COL11A1: variants seen among roughly 807,000 people sequenced by gnomAD.
The protein encoded by COL11A1 is collagen type XI alpha 1 chain, also known as collagen alpha-1(XI) chain.
In COL11A1, 74 loss-of-function variants were observed where a neutral mutation model predicts 265.2. The observed-to-expected ratio is 0.28, with a 90% confidence interval of 0.23 to 0.34. COL11A1 has a LOEUF of 0.34. Ranked by LOEUF, COL11A1 falls within the 10% of genes least tolerant of loss-of-function variation. The probability of loss-of-function intolerance (pLI) is 1.00; values close to 1 mark genes in which losing one functional copy is unlikely to be tolerated. For missense variants in COL11A1, 2,165 were observed against 2,263.6 expected (o/e 0.96, Z 0.88); for synonymous variants, 816 against 727.6 (o/e 1.12, Z -1.96).
At chr1:102,942,911 C>T (rs1658879830) in intron 42 of COL11A1, among the ~76,000 whole-genome samples, 1 of 152,066 alleles carries the variant, frequency 6.6e-6, no homozygotes, top group Admixed American at 6.6e-5. Context: ...TGATTATCTT[C>T]TTTTCAGAGA....
chr1:102,955,713 G>T (rs1026223534), intron 41 of COL11A1, among the ~76,000 whole-genome samples: 1 of 151,970 alleles, frequency 6.6e-6, no homozygotes, highest in Non-Finnish European at 1.5e-5. Context: ...AAAAATATAT[G>T]CAGTAGGTGA....
At position 102,934,576 on chromosome 1, in the gene COL11A1, A is replaced by G. The variant is rs1439107500; in HGVS notation, c.3493-20T>C. ...ACCTCCCTAGAGAAGAGAAAGAAAC[A>G]TTATCACAAACTGGAAAAAATCATT... On this transcript the variant is annotated intron_variant, in intron 45 of 66. Coordinates refer to ENST00000370096, the MANE Select transcript of COL11A1 (RefSeq NM_001854.4). The G allele has an allele frequency of 6.4e-7, 1 of 1,574,128 alleles. No individual in the cohort carries two copies.
intron 11 of COL11A1, 47 bp from the exon 12 acceptor site, chr1:103,015,789 T>A: frequency 7.8e-7 from 1 of 1,285,130 alleles, no homozygotes; most frequent in South Asian, 1.3e-5. Context: ...ATCAAAATAA[T>A]ATTTACTAGA....
intron 1 of COL11A1, chr1:103,100,209 T>G (rs1050161690): frequency 9.9e-5 from 15 of 151,924 alleles, no homozygotes; most frequent in African/African-American, 3.1e-4. Context: ...TTTTTTATGC[T>G]GAAGACAGTT....
At chr1:103,077,156 T>C (rs867535509) in intron 3 of COL11A1, among the ~76,000 whole-genome samples, 3 of 152,254 alleles carry the variant, frequency 2.0e-5, no homozygotes, top group African/African-American at 4.8e-5. Context: ...ACTACTGTGA[T>C]ATATGTAAAT....
At chr1:103,046,524 G>T (rs1669286368) in intron 4 of COL11A1, among the ~76,000 whole-genome samples, 1 of 151,500 alleles carries the variant, frequency 6.6e-6, no homozygotes, top group Admixed American at 6.6e-5. Context: ...CAGATGAATA[G>T]GTTGCAAAAA....
chr1:102,928,324 C>A (rs969109199), intron 46 of COL11A1, among the ~76,000 whole-genome samples: 2 of 144,666 alleles, frequency 1.4e-5, no homozygotes, highest in Non-Finnish European at 3.0e-5. Context: ...TTGTTCAATT[C>A]CCACCTATGA....
chr1:103,047,332 A>T (rs996667681), intron 4 of COL11A1, among the ~76,000 whole-genome samples: 1 of 152,124 alleles, frequency 6.6e-6, no homozygotes, highest in Non-Finnish European at 1.5e-5. Flanking sequence ...CATCCCTTGT[A>T]AGTTGGATTC....
chr1:103,022,046 G>T (rs1176183669), intron 8 of COL11A1, among the ~76,000 whole-genome samples: 1 of 148,596 alleles, frequency 6.7e-6, no homozygotes, highest in Non-Finnish European at 1.5e-5. Context: ...AGTAGAGATC[G>T]GTTTTCGCCG....
At chr1:103,058,635 T>A (rs1670418419) in intron 4 of COL11A1, among the ~76,000 whole-genome samples, 1 of 152,104 alleles carries the variant, frequency 6.6e-6, no homozygotes, top group Non-Finnish European at 1.5e-5. Context: ...ATTGTGGGGT[T>A]ACTAAATGAC....
At chr1:103,093,364 T>C (rs78347273) in intron 1 of COL11A1, among the ~76,000 whole-genome samples, 1,600 of 152,094 alleles carry the variant, frequency 0.011, 18 homozygotes, top group Non-Finnish European at 0.013. Flanking sequence ...CAGATACCAT[T>C]AGAAAAACCA....
chr1:103,034,423 T>C (rs566456722), intron 4 of COL11A1, among the ~76,000 whole-genome samples: 3 of 152,274 alleles, frequency 2.0e-5, no homozygotes. Context: ...AACTGATTTG[T>C]CTTCAAGTAC....
chr1:102,898,005 C>T, intron 57 of COL11A1, 120 bp downstream of exon 57: 1 of 482,944 alleles, frequency 2.1e-6, no homozygotes, highest in Non-Finnish European at 3.7e-6. Flanking sequence ...TAATATACTT[C>T]TTGGACTATT....
intron 26 of COL11A1, 46 bp downstream of exon 26, chr1:102,997,034 T>G: frequency 6.5e-7 from 1 of 1,536,910 alleles, no homozygotes; most frequent in South Asian, 1.1e-5. Flanking sequence ...CATTTTCTCT[T>G]GGAAATTTAT....
rs1197003938 is a variant in COL11A1, at chr1:102,965,493, T to C, written c.2910A>G (p.Gly970=). 6.2e-7 allele frequency: 1 copy of C among 1,613,566 alleles called. No individual in the cohort carries two copies. Among genetic ancestry groups the C allele is most frequent in the African/African-American group, 1.3e-5 (1 of 75,026 alleles). The change falls in exon 38 of 67, where the codon GGA becomes GGG. Residue 970 remains glycine, a synonymous_variant. Transcript: ENST00000370096. ...ATAAAGCAAAGGAACATACCTGTGG[T>C]CCAACCACTCCCCCTGGCCCAGGAG... ...TGPPGPGGVV[G]PQGPTGETGP... is the part of the protein sequence containing the mutation.
At chr1:102,906,057 C>T (rs1256796945) in intron 54 of COL11A1, among the ~76,000 whole-genome samples, 2 of 152,032 alleles carry the variant, frequency 1.3e-5, no homozygotes, top group Non-Finnish European at 2.9e-5. Flanking sequence ...ATAAATGATA[C>T]TACAATTGGA....
intron 30 of COL11A1, among the ~76,000 whole-genome samples, chr1:102,984,545 T>C (rs1013090605): frequency 2.0e-5 from 3 of 152,058 alleles, no homozygotes; most frequent in Non-Finnish European, 4.4e-5. Context: ...AATACTATTT[T>C]AAATTAGTGA....
At chr1:102,913,946 T>C (rs561720104) in intron 52 of COL11A1, among the ~76,000 whole-genome samples, 102 of 152,318 alleles carry the variant, frequency 6.7e-4, no homozygotes, top group Non-Finnish European at 1.0e-3. Flanking sequence ...AGAAAGAAGA[T>C]GTCATTAGTA....
intron 31 of COL11A1, among the ~76,000 whole-genome samples, chr1:102,979,781 G>T (rs1233189625): frequency 6.6e-6 from 1 of 152,040 alleles, no homozygotes; most frequent in Non-Finnish European, 1.5e-5. Flanking sequence ...CAACTCTAAA[G>T]AAAAATCCTA....
Sources: allele counts gnomAD v4.1 joint callset (sites outside exome capture counted in the v4.1 genomes callset), GRCh38; gene constraint gnomAD v4.1.1; transcripts MANE v1.5; gene names NCBI Gene and HGNC (gene_info 2026-07-23, HGNC 2026-07-21).